KIF5C: variants seen among roughly 807,000 people sequenced by gnomAD.
The protein encoded by KIF5C is kinesin family member 5C, also known as kinesin heavy chain isoform 5C.
In KIF5C, 18 loss-of-function variants were observed where a neutral mutation model predicts 125.2. The observed-to-expected ratio is 0.14, with a 90% CI of 0.10 to 0.21. The LOEUF (loss-of-function observed/expected upper bound fraction) is 0.21. Ranked by LOEUF, KIF5C falls within the 10% of genes least tolerant of loss-of-function variation. KIF5C has a pLI of 1.00. For synonymous variants in KIF5C, 405 were observed against 434.0 expected, an observed-to-expected ratio of 0.93 and a Z score of 0.83; for missense variants, 780 against 1,183.8, an observed-to-expected ratio of 0.66 and a Z score of 5.01.
rs13411910 is a variant in KIF5C, at chr2:148,941,998, G to A, written c.501+8G>A. ...AGAGTCCCGTATGTAAAGGTATGAG[G>A]AAGATTTGATTGGTGATGCAATTAA... On this transcript the variant is annotated splice_region_variant and intron_variant, in intron 6 of 25. Coordinates refer to ENST00000435030, the MANE Select transcript of KIF5C (RefSeq NM_004522.3). 54,303 of 1,609,894 alleles carry A rather than the reference G, an allele frequency of 0.034. 1,017 individuals carry two copies. The highest frequency in any genetic ancestry group is 0.049 in the Middle Eastern group (293 of 6,038).
At chr2:148,931,694 A>T (rs572046948) in intron 3 of KIF5C, among the ~76,000 whole-genome samples, 104 of 152,318 alleles carry the variant, frequency 6.8e-4, no homozygotes, top group African/African-American at 2.3e-3. Context: ...TAATAAAATT[A>T]AAAACCAAAA....
In KIF5C at chr2:148,924,063, C is replaced by A. The variant is rs1333776980; in HGVS notation, c.217+1836C>A. 6.6e-6 allele frequency among the ~76,000 whole-genome samples: 1 copy of A among 152,178 alleles called. No homozygotes were observed. The highest frequency in any genetic ancestry group is 1.5e-5 in the Non-Finnish European group (1 of 68,030). On this transcript the variant is annotated intron_variant, in intron 2 of 25. Coordinates refer to ENST00000435030, the MANE Select transcript of KIF5C (RefSeq NM_004522.3). This position sits in a 1 kb window ranked among gnomAD's most constrained non-coding sequence, Gnocchi z 4.0. The stretch of plus-strand genomic sequence containing the variant: ...AAATATGTATGATCATACATACATG[C>A]CTTATTCTCCCTTAAAAAGGAATTG...
At chr2:148,909,244 C>T (rs1294892960) in intron 1 of KIF5C, among the ~76,000 whole-genome samples, 1 of 152,212 alleles carries the variant, frequency 6.6e-6, no homozygotes, top group African/African-American at 2.4e-5. Context: ...CAGCAGACCA[C>T]GTGCTTCCCA....
At chr2:148,911,192 G>A (rs2105067475) in intron 1 of KIF5C, among the ~76,000 whole-genome samples, 1 of 152,318 alleles carries the variant, frequency 6.6e-6, no homozygotes. Flanking sequence ...CCATGTGAGA[G>A]AGTATGGAAA....
chr2:148,957,600 A>AC lies in KIF5C; in HGVS notation c.969-4371_969-4370insC, dbSNP rs1211456827. Among the ~76,000 whole-genome samples the AC allele has an allele frequency of 1.9e-4, 22 of 114,728 alleles. No individual in the cohort carries two copies. In the East Asian group the frequency reaches 3.6e-3, roughly 19 times the overall value. The allele number at this position is 114,728 out of a possible 152,430, so 75.3% of individuals were successfully genotyped here. On this transcript the variant is annotated intron_variant, in intron 10 of 25. Coordinates refer to ENST00000435030, the MANE Select transcript of KIF5C (RefSeq NM_004522.3). Reference sequence around the variant, plus strand: ...GAGAATGTTTGTTCTAGTAAAAAAAAAAAAAAAAAAAAAAAAACAATAAAC... The same window carrying AC: ...GAGAATGTTTGTTCTAGTAAAAAAAACAAAAAAAAAAAAAAAAACAATAAAC...
intron 16 of KIF5C, among the ~76,000 whole-genome samples, chr2:148,991,868 C>T (rs1378188372): frequency 1.3e-5 from 2 of 152,192 alleles, no homozygotes; most frequent in Non-Finnish European, 2.9e-5. Flanking sequence ...TAAGGCTGCT[C>T]TTCTTCCTAT....
chr2:148,880,888 T>C (rs1360029006), intron 1 of KIF5C, among the ~76,000 whole-genome samples: 1 of 148,942 alleles, frequency 6.7e-6, no homozygotes, highest in Non-Finnish European at 1.5e-5. Context: ...GTGAATGGGG[T>C]GGGTAGAGGT....
At chr2:149,021,776 T>G (rs1195389639) in intron 25 of KIF5C, among the ~76,000 whole-genome samples, 1 of 151,860 alleles carries the variant, frequency 6.6e-6, no homozygotes, top group Non-Finnish European at 1.5e-5. Context: ...GGCTGTTGTA[T>G]TTCCAGTACC....
At chr2:149,000,671 T>A in intron 20 of KIF5C, 51 bp from the exon 21 acceptor site, 1 of 1,605,954 alleles carries the variant, frequency 6.2e-7, no homozygotes, top group Non-Finnish European at 8.5e-7. Flanking sequence ...TAGTATCTGC[T>A]GAAATCTCTG....
intron 1 of KIF5C, among the ~76,000 whole-genome samples, chr2:148,919,476 G>C (rs1323286179): frequency 6.6e-6 from 1 of 152,206 alleles, no homozygotes; most frequent in Non-Finnish European, 1.5e-5. Context: ...ACTAGAGCAA[G>C]TTGGGCCCAG....
chr2:148,898,616 A>G (rs1275405564), intron 1 of KIF5C, among the ~76,000 whole-genome samples: 2 of 152,202 alleles, frequency 1.3e-5, no homozygotes, highest in Non-Finnish European at 2.9e-5. Context: ...CTTTAAGGAT[A>G]CAGAGGGGTC....
At chr2:148,956,242 G>C (rs1682789097) in intron 10 of KIF5C, among the ~76,000 whole-genome samples, 1 of 147,066 alleles carries the variant, frequency 6.8e-6, no homozygotes, top group African/African-American at 2.7e-5. Flanking sequence ...CTGGCCATGT[G>C]CTTCTGAAAT....
At chr2:149,000,187 C>G in intron 19 of KIF5C, 1 of 419,056 alleles carries the variant, frequency 2.4e-6, no homozygotes, top group Middle Eastern at 4.6e-4. Context: ...CACAAGCAAA[C>G]TATAAATACA....
intron 11 of KIF5C, among the ~76,000 whole-genome samples, chr2:148,971,266 ATCTGTCTG>A (rs10569710): frequency 0.014 from 2,089 of 146,812 alleles, 44 homozygotes; most frequent in African/African-American, 0.048. Context: ...TGATTAGAAA[ATCTGTCTG>A]TCTGTCTGTC....
intron 11 of KIF5C, among the ~76,000 whole-genome samples, chr2:148,963,326 G>A (rs1574792839): frequency 1.3e-5 from 2 of 152,240 alleles, no homozygotes; most frequent in East Asian, 3.9e-4. Flanking sequence ...GGGCTGTTGT[G>A]CAGGATTGGG....
chr2:148,953,118 A>T (rs1210489856), intron 10 of KIF5C, among the ~76,000 whole-genome samples: 2 of 152,242 alleles, frequency 1.3e-5, no homozygotes, highest in Non-Finnish European at 2.9e-5. Flanking sequence ...AGTCATCTAG[A>T]TTCTGCTCTC....
intron 13 of KIF5C, among the ~76,000 whole-genome samples, chr2:148,980,675 C>CTTGCTTATTTAT (rs1553468803): frequency 2.1e-5 from 3 of 144,598 alleles, no homozygotes; most frequent in Admixed American, 7.0e-5. Flanking sequence ...AGATCCTTTG[C>CTTGCTTATTTAT]TTATTTATTT....
intron 11 of KIF5C, among the ~76,000 whole-genome samples, chr2:148,963,303 G>A (rs1441179728): frequency 2.6e-5 from 4 of 152,104 alleles, no homozygotes; most frequent in African/African-American, 9.7e-5. Context: ...TTTGGGTAAG[G>A]GTAGGAGCCC....
At chr2:148,947,868 C>G in intron 8 of KIF5C, 1 of 456,626 alleles carries the variant, frequency 2.2e-6, no homozygotes, top group South Asian at 1.5e-5. Context: ...AGCCTTGAAG[C>G]TTGGTCAGTC....
Sources: allele counts gnomAD v4.1 joint callset (sites outside exome capture counted in the v4.1 genomes callset), GRCh38; gene constraint gnomAD v4.1.1; non-coding constraint Gnocchi (gnomAD v3.1); transcripts MANE v1.5; gene names NCBI Gene and HGNC (gene_info 2026-07-23, HGNC 2026-07-21).